PDHX: variants seen among roughly 807,000 people sequenced by gnomAD.
The protein encoded by PDHX is pyruvate dehydrogenase complex component X.
In PDHX, 33 loss-of-function variants were observed where a neutral mutation model predicts 55.3. That is an observed-to-expected ratio of 0.60 (90% CI 0.45 to 0.80). PDHX has a LOEUF of 0.80. PDHX is among the 30% of genes least tolerant of loss of function. PDHX has a pLI of 0.00. For synonymous variants in PDHX, 226 were observed against 219.4 expected, an observed-to-expected ratio of 1.03 and a Z score of -0.27; for missense variants, 622 against 619.9, an observed-to-expected ratio of 1.00 and a Z score of -0.04.
chr11:34,958,055 A>G (rs1854943785), intron 4 of PDHX, among the ~76,000 whole-genome samples: 1 of 152,176 alleles, frequency 6.6e-6, no homozygotes, highest in Non-Finnish European at 1.5e-5. Context: ...CTAGAGCTCA[A>G]TTTTGTCTGT....
At chr11:34,985,213 T>G (rs775323652) in intron 9 of PDHX, among the ~76,000 whole-genome samples, 5 of 152,098 alleles carry the variant, frequency 3.3e-5, no homozygotes, top group Non-Finnish European at 7.4e-5. Flanking sequence ...GAGGCCGAGG[T>G]GGGTGGATCC....
intron 9 of PDHX, 42 bp downstream of exon 9, chr11:34,984,770 T>C (rs926009004): frequency 6.4e-7 from 1 of 1,573,652 alleles, no homozygotes; most frequent in African/African-American, 1.3e-5. Context: ...TGTTAGCATA[T>C]ACTTTTGGAT....
chr11:34,959,490 C>T (rs1202671900), intron 4 of PDHX, among the ~76,000 whole-genome samples: 1 of 151,708 alleles, frequency 6.6e-6, no homozygotes, highest in Non-Finnish European at 1.5e-5. Context: ...CTTGTTGTTG[C>T]CTAGTGGAAG....
chr11:34,995,029 G>A lies in PDHX; in HGVS notation c.1363G>A (p.Glu455Lys). The A allele has an allele frequency of 6.2e-7, 1 of 1,614,050 alleles. No individual in the cohort carries two copies. The highest frequency in any genetic ancestry group is 1.3e-5 in the African/African-American group (1 of 75,040). ...ACCTGTGCTGAAGCTCACTGAGGAT[G>A]AAGAGGGAAATGCCAAACTGCAGCA... ...FRPVLKLTED[E>K]EGNAKLQQRQ... The change falls in exon 11 of 11, where the codon GAA becomes AAA. Residue 455 changes from glutamate to lysine, a missense_variant. Transcript: ENST00000227868.
In PDHX at chr11:34,952,642, C is replaced by G. The variant is rs1481062477; in HGVS notation, c.343-4742C>G. Among the ~76,000 whole-genome samples the G allele has an allele frequency of 8.6e-5, 13 of 151,802 alleles. No homozygotes were observed. The South Asian group carries it at 2.1e-3, about 24-fold the overall frequency. The stretch of plus-strand genomic sequence containing the variant: ...AAGGCCTTTGACAAAATTCAACAAC[C>G]CTTCATGCTAAAAACTCTCAATAAA... On this transcript the variant is annotated intron_variant, in intron 3 of 10. Coordinates refer to ENST00000227868, the MANE Select transcript of PDHX (RefSeq NM_003477.3).
intron 2 of PDHX, 127 bp from the exon 3 acceptor site, chr11:34,947,379 G>A (rs1011907588): frequency 1.5e-6 from 1 of 668,514 alleles, no homozygotes; most frequent in East Asian, 2.8e-5. Context: ...AGAATTACTT[G>A]TATTTCCACA....
At chr11:34,930,228 C>T (rs1313643581) in intron 1 of PDHX, among the ~76,000 whole-genome samples, 1 of 152,160 alleles carries the variant, frequency 6.6e-6, no homozygotes, top group African/African-American at 2.4e-5. Flanking sequence ...GGTATGCATG[C>T]TTGCATTCTT....
At chr11:34,950,560 G>T (rs1854735042) in intron 3 of PDHX, among the ~76,000 whole-genome samples, 1 of 143,114 alleles carries the variant, frequency 7.0e-6, no homozygotes, top group Non-Finnish European at 1.5e-5. Context: ...AGAGTGTGAT[G>T]TTCCCTTTCC....
intron 2 of PDHX, among the ~76,000 whole-genome samples, chr11:34,933,855 A>G (rs1590734031): frequency 6.6e-6 from 1 of 151,904 alleles, no homozygotes; most frequent in Non-Finnish European, 1.5e-5. Context: ...AAGGATAATA[A>G]GGATAATATA....
At chr11:34,926,725 A>G (rs1854031853) in intron 1 of PDHX, among the ~76,000 whole-genome samples, 1 of 150,336 alleles carries the variant, frequency 6.7e-6, no homozygotes. Flanking sequence ...ATCAATTTAA[A>G]GCTTTGATAT....
At position 34,916,739 on chromosome 11, in the gene PDHX, G is replaced by A; in HGVS notation, c.84G>A (p.Leu28=). 2 of 1,613,308 alleles carry A rather than the reference G, an allele frequency of 1.2e-6. No homozygotes were observed. Among genetic ancestry groups the A allele is most frequent in the Non-Finnish European group, 1.7e-6 (2 of 1,179,818 alleles). The change falls in exon 1 of 11, where the codon CTG becomes CTA. Residue 28 remains leucine (L), a synonymous_variant. Coordinates refer to ENST00000227868, the MANE Select transcript of PDHX (RefSeq NM_003477.3). Reference sequence around the variant, plus strand: ...TCCCCGGCCGCCGAAGCGTAGGGCTGGTGAAGGGGGCTCTTGGGTGGTCTG... The same window carrying A: ...TCCCCGGCCGCCGAAGCGTAGGGCTAGTGAAGGGGGCTCTTGGGTGGTCTG... The part of the protein sequence containing the change: ...VGFPGRRSVG[L]VKGALGWSVS...
rs780807263 is a variant in PDHX, at chr11:34,916,764, G to C, written c.109G>C (p.Val37Leu). Residue 37 changes from valine (V) to leucine (L), a missense_variant, in exon 1 of 11, where the codon GTA becomes CTA. Transcript: ENST00000227868. Reference protein sequence around the residue: ...GLVKGALGWSVSRGANWRWFH... With the variant: ...GLVKGALGWSLSRGANWRWFH... ...GGTGAAGGGGGCTCTTGGGTGGTCT[G>C]TAAGCCGCGGAGCTAATTGGAGATG... 1.2e-6 allele frequency: 2 copies of C among 1,608,720 alleles called. No individual in the cohort carries two copies. Among genetic ancestry groups the C allele is most frequent in the Non-Finnish European group, 1.7e-6 (2 of 1,177,796 alleles).
At chr11:34,947,295 T>C (rs1384363994) in intron 2 of PDHX, among the ~76,000 whole-genome samples, 1 of 152,110 alleles carries the variant, frequency 6.6e-6, no homozygotes, top group Non-Finnish European at 1.5e-5. Flanking sequence ...ATAATTTATG[T>C]CCATTATAGA....
intron 5 of PDHX, among the ~76,000 whole-genome samples, chr11:34,963,536 T>C (rs555449976): frequency 6.6e-6 from 1 of 152,278 alleles, no homozygotes; most frequent in East Asian, 1.9e-4. Context: ...CACCTCAGCC[T>C]CTCGAAGTGC....
At chr11:34,964,295 A>G (rs1293614102) in intron 5 of PDHX, among the ~76,000 whole-genome samples, 1 of 152,158 alleles carries the variant, frequency 6.6e-6, no homozygotes, top group South Asian at 2.1e-4. Context: ...CTTCATAGGT[A>G]TGTAAGTATA....
chr11:34,916,566 G>A, upstream of PDHX: 1 of 1,555,424 alleles, frequency 6.4e-7, no homozygotes, highest in East Asian at 2.3e-5. Context: ...CACCGCTAGC[G>A]TCTGGGGGCG....
intron 8 of PDHX, 104 bp downstream of exon 8, chr11:34,978,286 A>G (rs1855424893): frequency 4.1e-6 from 3 of 740,502 alleles, no homozygotes; most frequent in South Asian, 1.5e-5. Flanking sequence ...CAAAAATTTT[A>G]TAATTGTCTT....
chr11:34,938,421 C>T (rs12795625), intron 2 of PDHX, among the ~76,000 whole-genome samples: 3,454 of 152,248 alleles, frequency 0.023, 82 homozygotes, highest in South Asian at 0.039. Context: ...CTCTGCATGG[C>T]TGCTGCTATC....
chr11:34,971,102 A>G (rs544272128), intron 7 of PDHX, among the ~76,000 whole-genome samples: 1 of 152,282 alleles, frequency 6.6e-6, no homozygotes, highest in South Asian at 2.1e-4. Flanking sequence ...GATGTTTTAG[A>G]TTATAAATAT....
Sources: gnomAD v4.1 joint callset for allele counts (sites outside exome capture counted in the v4.1 genomes callset) on GRCh38, gnomAD v4.1.1 for gene constraint, MANE v1.5 for transcripts, NCBI Gene and HGNC (gene_info 2026-07-23, HGNC 2026-07-21) for gene names.